TXNDC8: variants seen among roughly 807,000 people sequenced by gnomAD.
TXNDC8 encodes thioredoxin domain-containing protein 8.
TXNDC8 carries 15 observed loss-of-function variants against 12.9 expected under a neutral mutation model. The observed-to-expected ratio is 1.16, with a 90% CI of 0.78 to 1.79. TXNDC8 has a LOEUF of 1.79. Among genes scored for constraint, TXNDC8 ranks in the 40% most tolerant of loss-of-function variants. The pLI, the probability that TXNDC8 is intolerant of heterozygous loss-of-function variation, is 0.00. For synonymous variants in TXNDC8, 40 were observed against 35.4 expected (o/e 1.13, Z -0.46); for missense variants, 128 against 113.2 (o/e 1.13, Z -0.59).
chr9:110,325,118 C>G lies in TXNDC8; in HGVS notation c.195+1057G>C, dbSNP rs143327942. Among the ~76,000 whole-genome samples, 863 of 151,842 alleles carry G rather than the reference C, an allele frequency of 5.7e-3. 7 individuals carry two copies. Among genetic ancestry groups the G allele is most frequent in the African/African-American group, 0.02 (824 of 41,424 alleles). On this transcript the variant is annotated intron_variant, in intron 3 of 4. Coordinates refer to ENST00000423740, the MANE Select transcript of TXNDC8 (RefSeq NM_001286946.2). ...CTGGGTGACCTTGCAAGACTCCATC[C>G]CCCCACCCCCGAAAAAAAAAGAACA...
At chr9:110,334,412 GT>G in intron 1 of TXNDC8, 92 bp from the exon 2 acceptor site, 1 of 1,236,242 alleles carries the variant, frequency 8.1e-7, no homozygotes, top group Non-Finnish European at 1.1e-6. Context: ...TTTTGGTTTT[GT>G]TTTTGGTTTT....
chr9:110,333,037 T>C (rs1406003495), intron 2 of TXNDC8, among the ~76,000 whole-genome samples: 2 of 152,172 alleles, frequency 1.3e-5, no homozygotes, highest in Non-Finnish European at 2.9e-5. Context: ...TATAGTCAAC[T>C]TAGAGAAGCA....
chr9:110,332,172 A>G (rs1453094033), intron 2 of TXNDC8, among the ~76,000 whole-genome samples: 1 of 152,212 alleles, frequency 6.6e-6, no homozygotes, highest in Non-Finnish European at 1.5e-5. Context: ...CTTGAGTGTC[A>G]GCATGGTAGG....
At chr9:110,305,566 CTTTCTTTCTTTCTTTCTTTCT>C (rs1838411180) in intron 3 of TXNDC8, among the ~76,000 whole-genome samples, 2 of 133,650 alleles carry the variant, frequency 1.5e-5, no homozygotes, top group African/African-American at 6.6e-5. Flanking sequence ...TTCTTTCTTT[CTTTCTTTCTTTCTTTCTTTCT>C]TTCTTTCTTT....
At chr9:110,322,763 A>G in intron 3 of TXNDC8, 1 of 985,568 alleles carries the variant, frequency 1.0e-6, no homozygotes, top group Non-Finnish European at 1.2e-6. Flanking sequence ...GGACAGAATC[A>G]GGAGGAGAGG....
chr9:110,324,664 G>GT (rs905208974), intron 3 of TXNDC8, among the ~76,000 whole-genome samples: 61 of 150,902 alleles, frequency 4.0e-4, no homozygotes, highest in African/African-American at 1.3e-3. Flanking sequence ...ATATGAAACT[G>GT]TTTTTTTTTC....
At chr9:110,305,248 T>TTCTTCTG (rs1838391127) in intron 3 of TXNDC8, among the ~76,000 whole-genome samples, 1 of 152,130 alleles carries the variant, frequency 6.6e-6, no homozygotes, top group Admixed American at 6.5e-5. Context: ...ACGATATGTA[T>TTCTTCTG]TCTTCTGTGT....
intron 3 of TXNDC8, among the ~76,000 whole-genome samples, chr9:110,304,842 G>C (rs998590735): frequency 7.2e-5 from 11 of 152,150 alleles, no homozygotes; most frequent in African/African-American, 2.7e-4. Context: ...CATTTTGCCT[G>C]TTTTTGGACT....
chr9:110,327,153 T>C (rs751455777), intron 2 of TXNDC8, among the ~76,000 whole-genome samples: 1 of 152,172 alleles, frequency 6.6e-6, no homozygotes, highest in Non-Finnish European at 1.5e-5. Flanking sequence ...TCTCATCCAT[T>C]GCTGGTGAGA....
rs141823515 is a variant in TXNDC8 at position 110,328,632 on chromosome 9, C to A, written c.130-2392G>T. ...GACCAGCCTGACCAACACGGAGAAA[C>A]CCTGTCTCTAATAAAAATACAAAAT... On this transcript the variant is annotated intron_variant, in intron 2 of 4. Coordinates refer to ENST00000423740, the MANE Select transcript of TXNDC8 (RefSeq NM_001286946.2). Among the ~76,000 whole-genome samples the A allele has an allele frequency of 8.3e-3, 1,261 of 152,154 alleles. 8 individuals carry two copies. Among genetic ancestry groups the A allele is most frequent in the African/African-American group, 0.029 (1,186 of 41,512 alleles).
At chr9:110,330,531 C>T (rs1399616443) in intron 2 of TXNDC8, among the ~76,000 whole-genome samples, 1 of 152,178 alleles carries the variant, frequency 6.6e-6, no homozygotes, top group Non-Finnish European at 1.5e-5. Context: ...CTACATATTG[C>T]CTTCCCCCGA....
At chr9:110,328,667 G>A (rs563656180) in intron 2 of TXNDC8, among the ~76,000 whole-genome samples, 1 of 152,182 alleles carries the variant, frequency 6.6e-6, no homozygotes, top group African/African-American at 2.4e-5. Flanking sequence ...TTAGCCGGGC[G>A]TGGTGGCACA....
chr9:110,323,064 A>G, intron 3 of TXNDC8: 2 of 985,410 alleles, frequency 2.0e-6, no homozygotes, highest in Non-Finnish European at 2.4e-6. Context: ...TTCTATAGGC[A>G]ATGGAGGGGG....
At chr9:110,323,261 T>C (rs1297230051) in intron 3 of TXNDC8, 2 of 985,142 alleles carry the variant, frequency 2.0e-6, no homozygotes, top group Non-Finnish European at 2.4e-6. Context: ...GGAAATGGAT[T>C]GAACCAAAAA....
chr9:110,315,979 C>T (rs1350021280), intron 3 of TXNDC8, among the ~76,000 whole-genome samples: 1 of 151,912 alleles, frequency 6.6e-6, no homozygotes, highest in African/African-American at 2.4e-5. Context: ...CTCACTGCAA[C>T]CTCCGCCTCC....
chr9:110,311,518 G>A (rs1485435904), intron 3 of TXNDC8, among the ~76,000 whole-genome samples: 1 of 40,896 alleles, frequency 2.4e-5, no homozygotes, highest in African/African-American at 1.0e-4. Context: ...CAAAAATAAA[G>A]AGGTATATAT....
At chr9:110,320,743 C>A (rs1203143289) in intron 3 of TXNDC8, among the ~76,000 whole-genome samples, 1 of 152,188 alleles carries the variant, frequency 6.6e-6, no homozygotes, top group Non-Finnish European at 1.5e-5. Flanking sequence ...CAAGAGAATG[C>A]AGTTTAATAT....
intron 3 of TXNDC8, among the ~76,000 whole-genome samples, chr9:110,314,590 G>A (rs576917387): frequency 2.0e-5 from 3 of 151,568 alleles, no homozygotes; most frequent in East Asian, 1.9e-4. Flanking sequence ...CCGCCACCCC[G>A]TCCGGCTAAT....
At chr9:110,314,488 A>G (rs1250978804) in intron 3 of TXNDC8, among the ~76,000 whole-genome samples, 5 of 143,012 alleles carry the variant, frequency 3.5e-5, no homozygotes, top group Non-Finnish European at 6.0e-5. Flanking sequence ...GCTGGAGTGC[A>G]GTGGCGCGAT....
Sources: gnomAD v4.1 joint callset for allele counts (sites outside exome capture counted in the v4.1 genomes callset) on GRCh38, gnomAD v4.1.1 for gene constraint, MANE v1.5 for transcripts, NCBI Gene and HGNC (gene_info 2026-07-23, HGNC 2026-07-21) for gene names.